DLX3: variants seen among roughly 807,000 people sequenced by gnomAD.
The protein encoded by DLX3 is distal-less homeobox 3.
DLX3 carries 9 observed loss-of-function variants against 28.0 expected under a neutral mutation model. The ratio of observed to expected loss-of-function variants is 0.32; its 90% CI spans 0.19 to 0.56. The LOEUF is 0.56. Among genes scored for constraint, DLX3 ranks in the 20% least tolerant of loss-of-function variants. The probability of loss-of-function intolerance (pLI) is 0.91; values close to 1 mark genes in which losing one functional copy is unlikely to be tolerated. For missense variants in DLX3, 313 were observed against 378.2 expected, an observed-to-expected ratio of 0.83 and a Z score of 1.43; for synonymous variants, 154 against 167.9, an observed-to-expected ratio of 0.92 and a Z score of 0.64.
In DLX3 at chr17:49,991,313, G is replaced by A. The variant is rs1906076958; in HGVS notation, c.*204C>T. The stretch of plus-strand genomic sequence containing the variant: ...ATCTGGAGGGGTACCCCAGTGTCTA[G>A]GCAGAGGGAGGGAGGTTCAGGGGGC... On this transcript the variant is annotated 3_prime_UTR_variant, in exon 3 of 3. Transcript: ENST00000434704. 1 of 579,184 alleles carries A rather than the reference G, an allele frequency of 1.7e-6. No individual in the cohort carries two copies. The highest frequency in any genetic ancestry group is 1.9e-5 in the African/African-American group (1 of 53,410). The allele number at this position is 579,184 out of a possible 1,614,324, so 35.9% of individuals were successfully genotyped here.
intron 1 of DLX3, among the ~76,000 whole-genome samples, 157 bp downstream of exon 1, chr17:49,994,517 G>T (rs1020131143): frequency 6.6e-6 from 1 of 152,198 alleles, no homozygotes; most frequent in Non-Finnish European, 1.5e-5. Flanking sequence ...CTGGAAGGTC[G>T]CCTGGTCCCT....
At chr17:49,992,180 T>C (rs1906114072) in intron 2 of DLX3, among the ~76,000 whole-genome samples, 1 of 152,042 alleles carries the variant, frequency 6.6e-6, no homozygotes, top group Non-Finnish European at 1.5e-5. Context: ...CCTCATAGGG[T>C]CATTCTGAGG....
Position 49,990,362 on chromosome 17 carries a change from T to TC in DLX3, c.*1154dup, listed in dbSNP as rs397952563. The TC allele has an allele frequency of 4.0e-5, 6 of 148,988 alleles. No homozygotes were observed. The highest frequency in any genetic ancestry group is 1.3e-4 in the African/African-American group (5 of 39,822). 9.2% of individuals were successfully genotyped at this position (148,988 alleles called of 1,614,324 possible). ...TTCTACCTCTCCTTTTTTTTTTTTT[T>TC]CAATGTTTTACTGCATCAGGGGTGG... On this transcript the variant is annotated 3_prime_UTR_variant, in exon 3 of 3. Transcript: ENST00000434704.
rs1349729555 is a variant in DLX3, at chr17:49,994,986, A to G, written c.13T>C (p.Phe5Leu). 1 of 1,611,814 alleles carries G rather than the reference A, an allele frequency of 6.2e-7. No homozygotes were observed. Among genetic ancestry groups the G allele is most frequent in the Non-Finnish European group, 8.5e-7 (1 of 1,179,976 alleles). Residue 5 changes from phenylalanine to leucine, a missense_variant, in exon 1 of 3, where the codon TTC becomes CTC. Around this residue, in one of 3 missense-constraint regions of DLX3, gnomAD observed 183 missense variants for 197.7 expected, o/e 0.93. Coordinates refer to ENST00000434704, the MANE Select transcript of DLX3 (RefSeq NM_005220.3). ...AGGATGCTGCTGAGCTTGCGATCGA[A>G]GGAGCCACTCATCCTGGCGGGCGCT... is the stretch of plus-strand genomic sequence containing the variant. MSGS[F>L]DRKLSSILTD...
chr17:49,993,576 C>G lies in DLX3; in HGVS notation c.340G>C (p.Glu114Gln). 1 of 1,613,582 alleles carries G rather than the reference C, an allele frequency of 6.2e-7. No homozygotes were observed. The highest frequency in any genetic ancestry group is 1.1e-5 in the South Asian group (1 of 91,074). ...PAQDPVSVKE[E>Q]PEAEVRMVNG... ...ACCATGCGCACCTCTGCTTCCGGCTCCTCCTTCACCGACACTGCGGGGAAC... is the reference window on the plus strand; with the variant it reads ...ACCATGCGCACCTCTGCTTCCGGCTGCTCCTTCACCGACACTGCGGGGAAC... Residue 114 changes from glutamate (E) to glutamine (Q), a missense_variant, in exon 2 of 3, where the codon GAG (glutamate) becomes CAG (glutamine). Coordinates refer to ENST00000434704, the MANE Select transcript of DLX3 (RefSeq NM_005220.3).
intron 1 of DLX3, 37 bp from the exon 2 acceptor site, chr17:49,993,627 C>T (rs781179439): frequency 1.9e-6 from 3 of 1,605,042 alleles, no homozygotes; most frequent in Middle Eastern, 1.7e-4. Context: ...GGGGGCGGTT[C>T]AGCCTCGGCC....
intron 2 of DLX3, 128 bp downstream of exon 2, chr17:49,993,272 G>T: frequency 1.0e-6 from 1 of 964,584 alleles, no homozygotes; most frequent in Non-Finnish European, 1.5e-6. Flanking sequence ...GAACCTCGCA[G>T]GCCCCCATCC....
At position 49,990,454 on chromosome 17, in the gene DLX3, T is replaced by C. The variant is rs1160782607; in HGVS notation, c.*1063A>G. 2.0e-5 allele frequency: 3 copies of C among 152,466 alleles called. No individual in the cohort carries two copies. The highest frequency in any genetic ancestry group is 3.4e-3 in the Middle Eastern group (1 of 294). The allele number at this position is 152,466 out of a possible 1,614,324, so 9.4% of individuals were successfully genotyped here. A position where few individuals can be genotyped will look rare whatever the true frequency, so the allele number is the denominator to read the frequency against. On this transcript the variant is annotated 3_prime_UTR_variant, in exon 3 of 3. Transcript: ENST00000434704. ...CAGTGCCACCAGCCCTCCAGGCAGT[T>C]ACCCCTTACTCCCAAAGGCACAAGT...
Position 49,991,800 on chromosome 17 carries a change from G to A in DLX3, c.581C>T (p.Pro194Leu), listed in dbSNP as rs1413495760. Residue 194 changes from proline to leucine, a missense_variant, in exon 3 of 3, where the codon CCG (proline) becomes CTG (leucine). Transcript: ENST00000434704. ...ACTGTTATTGGGACTGTGCTCCAGCGGCACCTCCCCGTTCTTGTAGAGTTT... is the reference window on the plus strand; with the variant it reads ...ACTGTTATTGGGACTGTGCTCCAGCAGCACCTCCCCGTTCTTGTAGAGTTT... ...FKKLYKNGEV[P>L]LEHSPNNSDS... The A allele has an allele frequency of 6.2e-7, 1 of 1,613,978 alleles. No individual in the cohort carries two copies. Among genetic ancestry groups the A allele is most frequent in the East Asian group, 2.2e-5 (1 of 44,900 alleles).
At position 49,992,633 on chromosome 17, in the gene DLX3, A is replaced by C. The variant is rs531843862; in HGVS notation, c.516+767T>G. The stretch of plus-strand genomic sequence containing the variant: ...CACCCCATGACTGGTACAAACAATG[A>C]ATCAGCTCCTCACCAGGTGACCCAG... On this transcript the variant is annotated intron_variant, in intron 2 of 2. Coordinates refer to ENST00000434704, the MANE Select transcript of DLX3 (RefSeq NM_005220.3). Among the ~76,000 whole-genome samples, 5 of 152,068 alleles carry C rather than the reference A, an allele frequency of 3.3e-5. No homozygotes were observed. The East Asian group carries it at 9.7e-4, about 29-fold the overall frequency.
At chr17:49,993,648 G>C in intron 1 of DLX3, 58 bp from the exon 2 acceptor site, 5 of 1,583,372 alleles carry the variant, frequency 3.2e-6, no homozygotes, top group Admixed American at 1.8e-5. Context: ...TGCGACTCCT[G>C]CGACCCTCCA....
Sources: gnomAD v4.1 joint callset for allele counts (sites outside exome capture counted in the v4.1 genomes callset) on GRCh38, gnomAD v4.1.1 for gene constraint, gnomAD v4.1.1 regional missense constraint, MANE v1.5 for transcripts, NCBI Gene and HGNC (gene_info 2026-07-23, HGNC 2026-07-21) for gene names.